Variants in MAPK9 observed in about 807,000 individuals in gnomAD.
MAPK9 encodes Jun kinase.
Under a neutral mutation model 57.1 loss-of-function variants are expected in MAPK9, and 30 were observed. That is an observed-to-expected ratio of 0.53 (90% CI 0.39 to 0.71). The LOEUF (loss-of-function observed/expected upper bound fraction) is 0.71, where lower values mean the gene tolerates loss of function less well. MAPK9 is among the 30% of genes least tolerant of loss of function. The pLI is 0.00. For synonymous variants in MAPK9, 155 were observed against 177.0 expected (o/e 0.88, Z 0.99); for missense variants, 362 against 521.0 (o/e 0.69, Z 2.97).
At chr5:180,286,278 T>C (rs1483223170) in intron 1 of MAPK9, among the ~76,000 whole-genome samples, 1 of 145,586 alleles carries the variant, frequency 6.9e-6, no homozygotes, top group African/African-American at 2.5e-5. Context: ...CCCAAGTAGC[T>C]GGGACTACAG....
chr5:180,269,231 CATT>C, intron 3 of MAPK9, 46 bp downstream of exon 3: 5 of 1,572,340 alleles, frequency 3.2e-6, no homozygotes, highest in Non-Finnish European at 3.5e-6. Flanking sequence ...AAGATTACCA[CATT>C]ATTGACAATA....
At chr5:180,253,231 C>A (rs1285115982) in intron 5 of MAPK9, among the ~76,000 whole-genome samples, 1 of 152,232 alleles carries the variant, frequency 6.6e-6, no homozygotes, top group Admixed American at 6.5e-5. Context: ...CAGGACTGCA[C>A]TACGTTCAGC....
At chr5:180,264,444 G>A (rs1760321161) in intron 4 of MAPK9, among the ~76,000 whole-genome samples, 1 of 152,174 alleles carries the variant, frequency 6.6e-6, no homozygotes, top group South Asian at 2.1e-4. Flanking sequence ...ATCATTTTAA[G>A]TAATACTCAT....
At chr5:180,269,963 G>A (rs1761099990) in intron 2 of MAPK9, among the ~76,000 whole-genome samples, 1 of 152,160 alleles carries the variant, frequency 6.6e-6, no homozygotes, top group South Asian at 2.1e-4. Flanking sequence ...GTAAGCAACT[G>A]CTATATAAAG....
intron 10 of MAPK9, among the ~76,000 whole-genome samples, chr5:180,239,227 G>A (rs1227701777): frequency 1.3e-5 from 2 of 152,228 alleles, no homozygotes; most frequent in Non-Finnish European, 2.9e-5. Context: ...AGTAAGTGAT[G>A]AGGGATTCCT....
intron 3 of MAPK9, among the ~76,000 whole-genome samples, chr5:180,268,838 A>C (rs1008556674): frequency 7.4e-6 from 1 of 134,394 alleles, no homozygotes; most frequent in South Asian, 2.4e-4. Flanking sequence ...AAAAAAAAAG[A>C]ATGTTATCAA....
At chr5:180,284,573 A>C (rs573438883) in intron 1 of MAPK9, among the ~76,000 whole-genome samples, 4 of 152,264 alleles carry the variant, frequency 2.6e-5, no homozygotes, top group East Asian at 1.9e-4. Context: ...ACATTTTTTT[A>C]GATGGAATAT....
chr5:180,255,725 G>A (rs1317020120), intron 5 of MAPK9, among the ~76,000 whole-genome samples: 1 of 152,202 alleles, frequency 6.6e-6, no homozygotes, highest in Non-Finnish European at 1.5e-5. Context: ...GGCGAGGAAG[G>A]CCGAGGGTGA....
intron 1 of MAPK9, among the ~76,000 whole-genome samples, chr5:180,282,854 A>G (rs1287950282): frequency 6.6e-6 from 1 of 152,186 alleles, no homozygotes; most frequent in Non-Finnish European, 1.5e-5. Context: ...GAGGCCCTGC[A>G]CACCAAGGGT....
intron 1 of MAPK9, among the ~76,000 whole-genome samples, chr5:180,288,298 A>G (rs1027327738): frequency 6.6e-6 from 1 of 152,248 alleles, no homozygotes; most frequent in Non-Finnish European, 1.5e-5. Context: ...AACTACCAAG[A>G]AAACAAAGAA....
In MAPK9 at chr5:180,242,579, T is replaced by C; in HGVS notation, c.865A>G (p.Ile289Val). ...GAAAAAAAGGATATCTTACTTTTTA[T>C]TTTGTCTCGCTCAGATTCTGATGGG... ...IFPSESERDKIKTSQARDLLS... is the reference protein window; with the variant it reads ...IFPSESERDKVKTSQARDLLS... The change falls in exon 8 of 12, where the codon ATA becomes GTA. Residue 289 changes from isoleucine (I) to valine (V), a missense_variant. By Grantham distance (29) the Ile-to-Val change is conservative (BLOSUM62 3). This residue lies in a region of MAPK9 where 199 missense variants were observed against 251.3 expected (regional missense o/e 0.79). Coordinates refer to ENST00000452135, the MANE Select transcript of MAPK9 (RefSeq NM_002752.5). 6.2e-7 allele frequency: 1 copy of C among 1,607,940 alleles called. No individual in the cohort carries two copies. The highest frequency in any genetic ancestry group is 2.2e-5 in the East Asian group (1 of 44,820).
chr5:180,274,341 C>T lies in MAPK9; in HGVS notation c.123-4932G>A, dbSNP rs73343405. The stretch of plus-strand genomic sequence containing the variant: ...ACGTACTCATTAATTTAACAAAACG[C>T]AGATTATCCAGGTGGGCCTATTCTT... On this transcript the variant is annotated intron_variant, in intron 2 of 11. Transcript: ENST00000452135. Among the ~76,000 whole-genome samples, 460 of 152,292 alleles carry T rather than the reference C, an allele frequency of 3.0e-3. 3 individuals carry two copies. The highest frequency in any genetic ancestry group is 0.011 in the African/African-American group (450 of 41,548).
At chr5:180,282,440 G>A (rs994906410) in intron 1 of MAPK9, among the ~76,000 whole-genome samples, 10 of 152,166 alleles carry the variant, frequency 6.6e-5, no homozygotes, top group South Asian at 4.1e-4. Context: ...GTCACAGTGC[G>A]GTAAGGGCCA....
chr5:180,265,991 T>C (rs896942331), intron 3 of MAPK9, among the ~76,000 whole-genome samples: 14 of 151,756 alleles, frequency 9.2e-5, no homozygotes, highest in Admixed American at 7.2e-4. Flanking sequence ...AGAGATCTGA[T>C]TACATTAAAA....
chr5:180,238,762 C>G (rs1053702864), intron 10 of MAPK9, among the ~76,000 whole-genome samples: 1 of 152,122 alleles, frequency 6.6e-6, no homozygotes, highest in Non-Finnish European at 1.5e-5. Context: ...GTGTTCACCA[C>G]CATGCCTGGC....
chr5:180,290,451 C>G (rs1030941874), intron 1 of MAPK9, among the ~76,000 whole-genome samples: 2 of 152,218 alleles, frequency 1.3e-5, no homozygotes, highest in African/African-American at 2.4e-5. Flanking sequence ...GCATGCCTGC[C>G]TTCTCTACTG....
chr5:180,252,295 G>A (rs1392728357), intron 5 of MAPK9, among the ~76,000 whole-genome samples: 1 of 152,176 alleles, frequency 6.6e-6, no homozygotes, highest in African/African-American at 2.4e-5. Context: ...TGCCAGACCT[G>A]AGGCCTTATT....
chr5:180,234,197 A>G lies in MAPK9; in HGVS notation c.*2187T>C, dbSNP rs1757020209. The G allele has an allele frequency of 6.6e-6, 1 of 152,262 alleles. No individual in the cohort carries two copies. The highest frequency in any genetic ancestry group is 2.4e-5 in the African/African-American group (1 of 41,468). 9.4% of individuals were successfully genotyped at this position (152,262 alleles called of 1,614,324 possible). A position where few individuals can be genotyped will look rare whatever the true frequency, so the allele number is the denominator to read the frequency against. Reference sequence around the variant, plus strand: ...ACAATATAAATTACAAAAATAAAATAGAAAAGATGAAACAGTTGAGCACAT... The same window carrying G: ...ACAATATAAATTACAAAAATAAAATGGAAAAGATGAAACAGTTGAGCACAT... On this transcript the variant is annotated 3_prime_UTR_variant, in exon 12 of 12. Transcript: ENST00000452135.
intron 2 of MAPK9, among the ~76,000 whole-genome samples, chr5:180,271,762 A>T (rs1761344160): frequency 6.6e-6 from 1 of 152,188 alleles, no homozygotes; most frequent in South Asian, 2.1e-4. Flanking sequence ...GCTGCCACTC[A>T]TAAGAGGGTG....
Sources: allele counts gnomAD v4.1 joint callset (sites outside exome capture counted in the v4.1 genomes callset), GRCh38; gene constraint gnomAD v4.1.1; regional missense constraint gnomAD v4.1.1; transcripts MANE v1.5; gene names NCBI Gene and HGNC (gene_info 2026-07-23, HGNC 2026-07-21).